Variants in GRB10 observed in about 807,000 individuals in gnomAD.
GRB10 encodes the protein growth factor receptor bound protein 10.
In GRB10, 20 loss-of-function variants were observed where a neutral mutation model predicts 80.9. That is an observed-to-expected ratio of 0.25 (90% CI 0.17 to 0.36). The LOEUF is 0.36. GRB10 is among the 10% of genes least tolerant of loss of function. The probability of loss-of-function intolerance (pLI) is 1.00; values close to 1 mark genes in which losing one functional copy is unlikely to be tolerated. For synonymous variants in GRB10, 291 were observed against 291.5 expected, an observed-to-expected ratio of 1.00 and a Z score of 0.02; for missense variants, 548 against 747.7, an observed-to-expected ratio of 0.73 and a Z score of 3.12.
rs1800504 is a variant in GRB10 at position 50,674,483 on chromosome 7, C to T, written c.315G>A (p.Pro105=). The T allele has an allele frequency of 0.54, 865,232 of 1,608,166 alleles. 235,632 individuals are homozygous for T. The highest frequency in any genetic ancestry group is 0.65 in the African/African-American group (49,078 of 74,986). Residue 105 remains proline, a synonymous_variant, in exon 6 of 19, where the codon CCG becomes CCA. Transcript: ENST00000401949. ...GCTGGGAGCGCTGCACCCTCTGCCTCGGGGACACCTGTGGCTGGATGGACC... is the reference window on the plus strand; with the variant it reads ...GCTGGGAGCGCTGCACCCTCTGCCTTGGGGACACCTGTGGCTGGATGGACC... ...PPRSIQPQVS[P]RQRVQRSQPV...
intron 2 of GRB10, among the ~76,000 whole-genome samples, chr7:50,761,461 G>T (rs1460070394): frequency 6.6e-6 from 1 of 152,100 alleles, no homozygotes; most frequent in African/African-American, 2.4e-5. Flanking sequence ...GATTTTAGTG[G>T]TGAGGTATAA....
chr7:50,738,656 G>A (rs936497431), intron 3 of GRB10, among the ~76,000 whole-genome samples: 2 of 152,186 alleles, frequency 1.3e-5, no homozygotes, highest in Non-Finnish European at 2.9e-5. Context: ...ATCATCTACT[G>A]TGCTACTTTA....
intron 2 of GRB10, among the ~76,000 whole-genome samples, chr7:50,756,752 A>G (rs1369510030): frequency 6.6e-6 from 1 of 152,172 alleles, no homozygotes; most frequent in Non-Finnish European, 1.5e-5. Context: ...TGGGCAACTC[A>G]CTGGTCTTCC....
At chr7:50,736,781 A>G (rs2070864423) in intron 3 of GRB10, among the ~76,000 whole-genome samples, 1 of 152,230 alleles carries the variant, frequency 6.6e-6, no homozygotes, top group African/African-American at 2.4e-5. Context: ...GACTGTTTCA[A>G]AAAAATAAAA....
At chr7:50,751,160 G>A (rs1197712910) in intron 3 of GRB10, among the ~76,000 whole-genome samples, 1 of 152,074 alleles carries the variant, frequency 6.6e-6, no homozygotes, top group Admixed American at 6.6e-5. Context: ...TCTGTATCAG[G>A]CCAGAGCTCA....
At chr7:50,783,831 G>C (rs542714518), upstream of GRB10, among the ~76,000 whole-genome samples, 1 of 152,198 alleles carries the variant, frequency 6.6e-6, no homozygotes, top group Non-Finnish European at 1.5e-5. Flanking sequence ...ATCTCAGTCT[G>C]GGGTTCAAAG....
At chr7:50,647,665 G>A (rs1333192974) in intron 7 of GRB10, among the ~76,000 whole-genome samples, 1 of 152,218 alleles carries the variant, frequency 6.6e-6, no homozygotes, top group Non-Finnish European at 1.5e-5. Flanking sequence ...GTCCTCAAAG[G>A]CAGCAAAAGA....
intron 7 of GRB10, among the ~76,000 whole-genome samples, chr7:50,653,410 TG>T (rs1198470190): frequency 2.6e-5 from 4 of 152,312 alleles, no homozygotes; most frequent in Non-Finnish European, 4.4e-5. Flanking sequence ...AAAAGCTGTT[TG>T]TCTCGGCCAG....
intron 7 of GRB10, among the ~76,000 whole-genome samples, chr7:50,647,898 G>T (rs183516496): frequency 5.3e-5 from 8 of 152,326 alleles, no homozygotes; most frequent in Non-Finnish European, 8.8e-5. Flanking sequence ...GGGGGTACTG[G>T]TCTGCTGCTC....
chr7:50,782,828 G>A lies in GRB10; in HGVS notation c.-731C>T, dbSNP rs1406443982. The A allele has an allele frequency of 1.3e-5, 2 of 152,162 alleles. No individual in the cohort carries two copies. Among genetic ancestry groups the A allele is most frequent in the Non-Finnish European group, 2.9e-5 (2 of 68,030 alleles). The allele number at this position is 152,162 out of a possible 1,614,324, so 9.4% of individuals were successfully genotyped here. A position where few individuals can be genotyped will look rare whatever the true frequency, so the allele number is the denominator to read the frequency against. On this transcript the variant is annotated 5_prime_UTR_variant, in exon 1 of 19. Coordinates refer to ENST00000401949, the MANE Select transcript of GRB10 (RefSeq NM_001350814.2). The surrounding 1 kb of genome is among the most constrained non-coding windows in gnomAD (Gnocchi z 6.6). Reference sequence around the variant, plus strand: ...CGGCTGCAATACTCAGCCTCCGAGGGACTGGGCGCTCCTGAGGAGCGGGAG... The same window carrying A: ...CGGCTGCAATACTCAGCCTCCGAGGAACTGGGCGCTCCTGAGGAGCGGGAG...
At chr7:50,752,845 G>C (rs916631085) in intron 3 of GRB10, among the ~76,000 whole-genome samples, 8 of 152,184 alleles carry the variant, frequency 5.3e-5, no homozygotes, top group Admixed American at 5.2e-4. Context: ...TCTCCCATGA[G>C]AACAAGACAA....
At chr7:50,617,379 G>A (rs149004987) in intron 10 of GRB10, among the ~76,000 whole-genome samples, 1 of 152,280 alleles carries the variant, frequency 6.6e-6, no homozygotes, top group East Asian at 1.9e-4. Context: ...GGTGGCCTTA[G>A]GAAATGGTTT....
chr7:50,771,712 C>T (rs953189766), intron 2 of GRB10, among the ~76,000 whole-genome samples: 3 of 152,164 alleles, frequency 2.0e-5, no homozygotes, highest in Admixed American at 6.5e-5. Context: ...GACCAGAACC[C>T]GCAGCCCAGT....
At chr7:50,704,014 C>G (rs1275396042) in intron 4 of GRB10, 106 bp from the exon 5 acceptor site, 2 of 747,194 alleles carry the variant, frequency 2.7e-6, no homozygotes, top group Non-Finnish European at 4.7e-6. Flanking sequence ...CAATTCCTTA[C>G]TTCCTTTCCA....
chr7:50,762,918 C>T (rs1291869941), intron 2 of GRB10, among the ~76,000 whole-genome samples: 2 of 152,148 alleles, frequency 1.3e-5, no homozygotes, highest in Non-Finnish European at 2.9e-5. Flanking sequence ...GAGATGGAGA[C>T]GATCCTGGCT....
chr7:50,759,970 C>T (rs956584695), intron 2 of GRB10, among the ~76,000 whole-genome samples: 3 of 152,196 alleles, frequency 2.0e-5, no homozygotes, highest in Non-Finnish European at 4.4e-5. Context: ...CAGGCCCAGA[C>T]TCCATCTAGG....
intron 3 of GRB10, among the ~76,000 whole-genome samples, chr7:50,750,307 G>A (rs984608532): frequency 3.8e-4 from 58 of 152,120 alleles, no homozygotes; most frequent in Admixed American, 1.0e-3. Flanking sequence ...CATCTTGGTC[G>A]ACTCTGCTCT....
rs78535943 is a variant in GRB10, at chr7:50,701,029, A to G, written c.139+2792T>C. ...ACTATCTTATTTTGTATTTTGTTTA[A>G]TATCTTTTTTCTCTTCACATCTTGT... is the stretch of plus-strand genomic sequence containing the variant. On this transcript the variant is annotated intron_variant, in intron 5 of 18. Coordinates refer to ENST00000401949, the MANE Select transcript of GRB10 (RefSeq NM_001350814.2). 7.2e-3 allele frequency among the ~76,000 whole-genome samples: 1,093 copies of G among 152,220 alleles called. 16 individuals carry two copies. The highest frequency in any genetic ancestry group is 0.025 in the African/African-American group (1,019 of 41,518).
intron 11 of GRB10, 86 bp downstream of exon 11, chr7:50,616,124 A>G (rs1411336143): frequency 3.3e-6 from 5 of 1,511,904 alleles, no homozygotes; most frequent in Non-Finnish European, 4.6e-6. Context: ...GGTGCATTTA[A>G]AAATGAAGCC....
Sources: gnomAD v4.1 joint callset for allele counts (sites outside exome capture counted in the v4.1 genomes callset) on GRCh38, gnomAD v4.1.1 for gene constraint, Gnocchi (gnomAD v3.1) non-coding constraint, MANE v1.5 for transcripts, NCBI Gene and HGNC (gene_info 2026-07-23, HGNC 2026-07-21) for gene names.